The following GCH1 variants were observed in gnomAD, a reference collection of about 807,000 sequenced individuals.
The protein encoded by GCH1 is GTP cyclohydrolase I.
GCH1 carries 5 observed loss-of-function variants against 25.9 expected under a neutral mutation model. That is an observed-to-expected ratio of 0.19 (90% CI 0.10 to 0.41). The LOEUF is 0.41. Ranked by LOEUF, GCH1 falls within the 10% of genes least tolerant of loss-of-function variation. The pLI, the probability that GCH1 is intolerant of heterozygous loss-of-function variation, is 1.00. For synonymous variants in GCH1, 159 were observed against 129.6 expected, an observed-to-expected ratio of 1.23 and a Z score of -1.54; for missense variants, 261 against 336.5, an observed-to-expected ratio of 0.78 and a Z score of 1.75.
intron 1 of GCH1, among the ~76,000 whole-genome samples, chr14:54,884,644 C>G (rs1340761195): frequency 1.3e-5 from 2 of 151,154 alleles, no homozygotes; most frequent in Non-Finnish European, 3.0e-5. Flanking sequence ...GTGGCGGGTG[C>G]CTGAAATCCC....
intron 1 of GCH1, among the ~76,000 whole-genome samples, chr14:54,900,297 C>T (rs1156390487): frequency 6.6e-6 from 1 of 152,084 alleles, no homozygotes; most frequent in East Asian, 1.9e-4. Context: ...GCAACCTCCT[C>T]CTCCTGGGTT....
intron 3 of GCH1, among the ~76,000 whole-genome samples, chr14:54,853,479 G>A (rs17128021): frequency 0.079 from 11,993 of 152,160 alleles, 1,542 homozygotes; most frequent in African/African-American, 0.27. Flanking sequence ...GCTAATTCCA[G>A]TGGATTCTCA....
rs2039586013 is a variant in GCH1, at chr14:54,843,155, A to G, written c.*862T>C. ...AGAAGAAACATTTTGAGGCATCTAC[A>G]TGGATCACACAAAGGAAACTCAATA... is the stretch of plus-strand genomic sequence containing the variant. On this transcript the variant is annotated 3_prime_UTR_variant, in exon 6 of 6. Transcript: ENST00000491895. 6.6e-7 allele frequency: 1 copy of G among 1,518,572 alleles called. No homozygotes were observed. Among genetic ancestry groups the G allele is most frequent in the South Asian group, 1.3e-5 (1 of 79,304 alleles). 94.1% of individuals were successfully genotyped at this position (1,518,572 alleles called of 1,614,324 possible).
chr14:54,870,246 C>G (rs1035696100), intron 1 of GCH1, among the ~76,000 whole-genome samples: 1 of 146,036 alleles, frequency 6.8e-6, no homozygotes, highest in African/African-American at 2.5e-5. Flanking sequence ...ATCTGTAATT[C>G]TAGCACTTTG....
At chr14:54,880,791 C>CAT (rs200522006) in intron 1 of GCH1, among the ~76,000 whole-genome samples, 18,557 of 43,646 alleles carry the variant, frequency 0.43, 5,599 homozygotes, top group East Asian at 0.66. Flanking sequence ...ATATATACTC[C>CAT]ATATATATAT....
At chr14:54,890,842 C>T (rs1467885569) in intron 1 of GCH1, among the ~76,000 whole-genome samples, 1 of 152,186 alleles carries the variant, frequency 6.6e-6, no homozygotes, top group Non-Finnish European at 1.5e-5. Context: ...CTAGGTTCAA[C>T]TCAAAAGCTA....
chr14:54,843,411 A>T lies in GCH1; in HGVS notation c.*606T>A. 1 of 1,234,950 alleles carries T rather than the reference A, an allele frequency of 8.1e-7. No individual in the cohort carries two copies. The highest frequency in any genetic ancestry group is 1.0e-6 in the Non-Finnish European group (1 of 988,026). The allele number at this position is 1,234,950 out of a possible 1,614,324, so 76.5% of individuals were successfully genotyped here. A position where few individuals can be genotyped will look rare whatever the true frequency, so the allele number is the denominator to read the frequency against. ...GAATTTAAAAACAATAGAAGGTAGA[A>T]ATGTGCCTTTTTAACTCACAGTAAA... On this transcript the variant is annotated 3_prime_UTR_variant, in exon 6 of 6. Coordinates refer to ENST00000491895, the MANE Select transcript of GCH1 (RefSeq NM_000161.3).
Position 54,843,538 on chromosome 14 carries a change from A to C in GCH1, c.*479T>G. ...ACTGGTGGTTTAATAAACATGACCA[A>C]AGTGAAGTCTGTTGAACTTGAATTC... On this transcript the variant is annotated 3_prime_UTR_variant, in exon 6 of 6. Coordinates refer to ENST00000491895, the MANE Select transcript of GCH1 (RefSeq NM_000161.3). 1 of 1,347,942 alleles carries C rather than the reference A, an allele frequency of 7.4e-7. No individual in the cohort carries two copies. Among genetic ancestry groups the C allele is most frequent in the Non-Finnish European group, 9.5e-7 (1 of 1,051,136 alleles). The allele number at this position is 1,347,942 out of a possible 1,614,324, so 83.5% of individuals were successfully genotyped here.
chr14:54,890,367 C>T (rs887343306), intron 1 of GCH1, among the ~76,000 whole-genome samples: 3 of 152,208 alleles, frequency 2.0e-5, no homozygotes, highest in African/African-American at 7.2e-5. Context: ...CTTGGTGGCG[C>T]ATGCCTATAA....
In GCH1 at chr14:54,862,377, C is replaced by CTTTTTTTTTT. The variant is rs1491222719; in HGVS notation, c.454-2642_454-2641insAAAAAAAAAA. 1.7e-5 allele frequency among the ~76,000 whole-genome samples: 2 copies of CTTTTTTTTTT among 115,816 alleles called. 1 individual carries two copies. The allele number at this position is 115,816 out of a possible 152,430, so 76.0% of individuals were successfully genotyped here. A position where few individuals can be genotyped will look rare whatever the true frequency, so the allele number is the denominator to read the frequency against. On this transcript the variant is annotated intron_variant, in intron 2 of 5. Coordinates refer to ENST00000491895, the MANE Select transcript of GCH1 (RefSeq NM_000161.3). The stretch of plus-strand genomic sequence containing the variant: ...TCTTCAGCACCCTTATGAAGCACTA[C>CTTTTTTTTTT]TCTTTTTTTTTTTTTTTTTTTTTTT...
intron 1 of GCH1, among the ~76,000 whole-genome samples, chr14:54,883,334 T>G (rs2040298688): frequency 7.4e-6 from 1 of 135,364 alleles, no homozygotes; most frequent in Non-Finnish European, 1.5e-5. Context: ...ATTGCGCCGC[T>G]GCGCTCTAGC....
intron 3 of GCH1, among the ~76,000 whole-genome samples, chr14:54,849,509 T>C (rs1298569988): frequency 6.6e-6 from 1 of 152,228 alleles, no homozygotes; most frequent in African/African-American, 2.4e-5. Flanking sequence ...TCGATATTTC[T>C]TTCTTTGGCT....
Position 54,843,653 on chromosome 14 carries a change from T to C in GCH1, c.*364A>G. 1 of 1,562,500 alleles carries C rather than the reference T, an allele frequency of 6.4e-7. No individual in the cohort carries two copies. The highest frequency in any genetic ancestry group is 8.6e-7 in the Non-Finnish European group (1 of 1,159,318). Reference sequence around the variant, plus strand: ...AAAAAAAACAGTATACTGGGCACAGTTCCCTCTCATTCCCAATGCTCCTAT... The same window carrying C: ...AAAAAAAACAGTATACTGGGCACAGCTCCCTCTCATTCCCAATGCTCCTAT... On this transcript the variant is annotated 3_prime_UTR_variant, in exon 6 of 6. Transcript: ENST00000491895.
intron 1 of GCH1, among the ~76,000 whole-genome samples, chr14:54,867,536 C>T (rs577873688): frequency 9.8e-4 from 132 of 134,988 alleles, no homozygotes; most frequent in Non-Finnish European, 1.8e-3. Context: ...TGCAGTGAGC[C>T]GAGATCATGT....
Position 54,843,041 on chromosome 14 carries a change from A to T in GCH1, c.*976T>A. 1 of 938,252 alleles carries T rather than the reference A, an allele frequency of 1.1e-6. No individual in the cohort carries two copies. The highest frequency in any genetic ancestry group is 1.8e-6 in the Non-Finnish European group (1 of 563,678). The allele number at this position is 938,252 out of a possible 1,614,324, so 58.1% of individuals were successfully genotyped here. Reference sequence around the variant, plus strand: ...GTGCTCGTTCAGGTGCGTGGAAGCTATGGTTCTGCAGACCTGAAAATGATG... The same window carrying T: ...GTGCTCGTTCAGGTGCGTGGAAGCTTTGGTTCTGCAGACCTGAAAATGATG... On this transcript the variant is annotated 3_prime_UTR_variant, in exon 6 of 6. Coordinates refer to ENST00000491895, the MANE Select transcript of GCH1 (RefSeq NM_000161.3).
chr14:54,845,782 TA>T lies in GCH1; in HGVS notation c.611del (p.Val204GlufsTer11). 1 of 1,598,132 alleles carries T rather than the reference TA, an allele frequency of 6.3e-7. No individual in the cohort carries two copies. The highest frequency in any genetic ancestry group is 8.6e-7 in the Non-Finnish European group (1 of 1,165,308). ...TGCAGACTTACGTTGCTTCAACCAC[TA>T]CCCCGACTCCAGCAGGCCGCAAGGC... ...TEALRPAGVG[V>X]VVEATHMCMV... On this transcript the variant is annotated frameshift_variant, in exon 5 of 6. Coordinates refer to ENST00000491895, the MANE Select transcript of GCH1 (RefSeq NM_000161.3). LOFTEE classifies it high-confidence loss of function.
At chr14:54,879,722 G>A (rs933821950) in intron 1 of GCH1, among the ~76,000 whole-genome samples, 2 of 152,104 alleles carry the variant, frequency 1.3e-5, no homozygotes, top group Admixed American at 1.3e-4. Flanking sequence ...ACATGAGGCC[G>A]GTCGCAGTGG....
intron 1 of GCH1, among the ~76,000 whole-genome samples, chr14:54,878,675 C>T (rs1183819983): frequency 2.0e-5 from 3 of 152,236 alleles, no homozygotes; most frequent in African/African-American, 2.4e-5. Context: ...AGCTTCTACA[C>T]ACTTCCCTGT....
chr14:54,865,694 GA>G, intron 1 of GCH1, among the ~76,000 whole-genome samples: 1 of 152,324 alleles, frequency 6.6e-6, no homozygotes, highest in Admixed American at 6.5e-5. Context: ...AGAGGAAGGA[GA>G]ACGGAGGGAG....
Sources: allele counts gnomAD v4.1 joint callset (sites outside exome capture counted in the v4.1 genomes callset), GRCh38; gene constraint gnomAD v4.1.1; transcripts MANE v1.5; gene names NCBI Gene and HGNC (gene_info 2026-07-23, HGNC 2026-07-21).